Variants in MAP2K2 observed in about 807,000 individuals in gnomAD.
MAP2K2 encodes mitogen-activated protein kinase kinase 2, also known as dual specificity mitogen-activated protein kinase kinase 2.
A neutral mutation model predicts 43.7 loss-of-function variants in MAP2K2; 24 were observed. The observed-to-expected ratio is 0.55, with a 90% CI of 0.40 to 0.77. MAP2K2 has a LOEUF of 0.77. MAP2K2 is among the 30% of genes least tolerant of loss of function. The pLI, the probability that MAP2K2 is intolerant of heterozygous loss-of-function variation, is 0.00. For missense variants in MAP2K2, 470 were observed against 566.8 expected (o/e 0.83, Z 1.73); for synonymous variants, 244 against 239.7 (o/e 1.02, Z -0.17).
chr19:4,103,037 C>T, intron 3 of MAP2K2: 1 of 1,045,258 alleles, frequency 9.6e-7, no homozygotes, highest in Non-Finnish European at 1.2e-6. Context: ...TGGGCGTCTG[C>T]CCTGCGCCTG....
In MAP2K2 at chr19:4,122,032, T is replaced by G. The variant is rs531159100; in HGVS notation, c.92+1752A>C. 1.1e-4 allele frequency among the ~76,000 whole-genome samples: 10 copies of G among 92,084 alleles called. No individual in the cohort carries two copies. In the East Asian group the frequency reaches 3.4e-3, roughly 31 times the overall value. 60.4% of individuals were successfully genotyped at this position (92,084 alleles called of 152,430 possible). On this transcript the variant is annotated intron_variant, in intron 1 of 10. Coordinates refer to ENST00000262948, the MANE Select transcript of MAP2K2 (RefSeq NM_030662.4). Reference sequence around the variant, plus strand: ...CCCCACCTTGGCACCCTAGGTGCCCTCTTCATCCCATGCCAACCTCATTAC... The same window carrying G: ...CCCCACCTTGGCACCCTAGGTGCCCGCTTCATCCCATGCCAACCTCATTAC...
chr19:4,091,673 C>G (rs2040856599), intron 10 of MAP2K2, among the ~76,000 whole-genome samples: 1 of 147,826 alleles, frequency 6.8e-6, no homozygotes, highest in Non-Finnish European at 1.5e-5. Context: ...TTTTTTGAGA[C>G]AGTCTTGCTC....
intron 1 of MAP2K2, among the ~76,000 whole-genome samples, chr19:4,117,960 C>T (rs185782258): frequency 9.3e-4 from 142 of 151,884 alleles, no homozygotes; most frequent in African/African-American, 2.8e-3. Flanking sequence ...TTTTTTGAGA[C>T]GGAGTCTCCC....
At chr19:4,117,669 A>T in intron 1 of MAP2K2, 40 bp from the exon 2 acceptor site, 12 of 1,579,538 alleles carry the variant, frequency 7.6e-6, no homozygotes, top group Non-Finnish European at 1.0e-5. Flanking sequence ...CTACCTAGGG[A>T]GACTCCATCT....
At chr19:4,100,862 G>T in intron 6 of MAP2K2, 157 bp downstream of exon 6, 1 of 837,206 alleles carries the variant, frequency 1.2e-6, no homozygotes, top group Non-Finnish European at 1.9e-6. Context: ...CTCGTGGGAG[G>T]CGGGGAGAGC....
chr19:4,097,205 T>TAAAAAAAA (rs10681431), intron 8 of MAP2K2, 74 bp downstream of exon 8: 36 of 572,646 alleles, frequency 6.3e-5, no homozygotes, highest in Admixed American at 2.0e-4. Flanking sequence ...AGACTCTGCC[T>TAAAAAAAA]AAAAAAAAAA....
At chr19:4,119,892 A>G (rs753718034) in intron 1 of MAP2K2, among the ~76,000 whole-genome samples, 4 of 152,252 alleles carry the variant, frequency 2.6e-5, no homozygotes, top group Non-Finnish European at 5.9e-5. Context: ...CCAAAGTTCG[A>G]CCACTGTTCG....
intron 3 of MAP2K2, among the ~76,000 whole-genome samples, chr19:4,106,502 G>C (rs1046175413): frequency 6.6e-6 from 1 of 152,146 alleles, no homozygotes; most frequent in Admixed American, 6.5e-5. Context: ...TCCGCCTCCC[G>C]GGTGCATGTG....
intron 2 of MAP2K2, among the ~76,000 whole-genome samples, chr19:4,114,016 G>A (rs1258043051): frequency 1.3e-5 from 2 of 152,220 alleles, no homozygotes; most frequent in Non-Finnish European, 2.9e-5. Context: ...GAAGAGAGCC[G>A]GGGCAGTGGC....
Position 4,110,539 on chromosome 19 carries a change from G to A in MAP2K2, c.420C>T (p.Asp140=), listed in dbSNP as rs369925884. 3.2e-4 allele frequency: 512 copies of A among 1,613,866 alleles called. 2 individuals are homozygous for A. The East Asian group carries it at 5.5e-3, about 17-fold the overall frequency. The change falls in exon 3 of 11, where the codon GAC becomes GAT. Residue 140 remains aspartate, a synonymous_variant. Coordinates refer to ENST00000262948, the MANE Select transcript of MAP2K2 (RefSeq NM_030662.4). ...IVGFYGAFYS[D]GEISICMEHM... ...GTTCCATGCAAATGCTGATCTCCCCGTCACTGTAGAAGGCCCCGTAGAAGC... is the reference window on the plus strand; with the variant it reads ...GTTCCATGCAAATGCTGATCTCCCCATCACTGTAGAAGGCCCCGTAGAAGC...
intron 10 of MAP2K2, among the ~76,000 whole-genome samples, chr19:4,094,239 C>T (rs1415654625): frequency 6.6e-6 from 1 of 152,186 alleles, no homozygotes; most frequent in Non-Finnish European, 1.5e-5. Flanking sequence ...CACGCACACA[C>T]CCTCTGCTCC....
chr19:4,122,812 G>C (rs73918039), intron 1 of MAP2K2, among the ~76,000 whole-genome samples: 5,663 of 151,364 alleles, frequency 0.037, 361 homozygotes, highest in African/African-American at 0.13. Flanking sequence ...CTGCTACTCA[G>C]TGACTCCATG....
intron 2 of MAP2K2, among the ~76,000 whole-genome samples, chr19:4,113,426 C>T (rs1401076185): frequency 6.6e-6 from 1 of 152,090 alleles, no homozygotes; most frequent in Admixed American, 6.6e-5. Context: ...GACAGATGGA[C>T]AGGAGGGGAG....
At chr19:4,114,859 G>A (rs1332392305) in intron 2 of MAP2K2, among the ~76,000 whole-genome samples, 1 of 152,196 alleles carries the variant, frequency 6.6e-6, no homozygotes, top group Non-Finnish European at 1.5e-5. Flanking sequence ...GAACCTGTGA[G>A]GTGGAGGTTG....
At chr19:4,110,282 G>T (rs937485995) in intron 3 of MAP2K2, among the ~76,000 whole-genome samples, 3 of 152,110 alleles carry the variant, frequency 2.0e-5, no homozygotes. Context: ...ATTCTAGCCT[G>T]AGTGACAGAG....
intron 1 of MAP2K2, among the ~76,000 whole-genome samples, chr19:4,123,513 AC>A (rs1376753384): frequency 8.1e-6 from 1 of 123,932 alleles, no homozygotes; most frequent in Non-Finnish European, 1.7e-5. Context: ...CTGCTCAAAG[AC>A]CCCCCTGCCC....
intron 8 of MAP2K2, among the ~76,000 whole-genome samples, chr19:4,096,138 C>T (rs1398932896): frequency 3.3e-5 from 5 of 152,200 alleles, no homozygotes; most frequent in South Asian, 2.1e-4. Context: ...GTCCCCGGAG[C>T]GGGAGTGGCC....
At chr19:4,109,141 C>T (rs944593601) in intron 3 of MAP2K2, among the ~76,000 whole-genome samples, 16 of 152,172 alleles carry the variant, frequency 1.1e-4, no homozygotes, top group Non-Finnish European at 7.4e-5. Context: ...GTTTTGCAAA[C>T]GACGCTGTGC....
intron 3 of MAP2K2, among the ~76,000 whole-genome samples, chr19:4,109,641 C>T (rs905558890): frequency 3.3e-5 from 5 of 152,112 alleles, no homozygotes; most frequent in Non-Finnish European, 7.3e-5. Flanking sequence ...ACCACACTCA[C>T]CTAATATTTT....
Sources: gnomAD v4.1 joint callset for allele counts (sites outside exome capture counted in the v4.1 genomes callset) on GRCh38, gnomAD v4.1.1 for gene constraint, MANE v1.5 for transcripts, NCBI Gene and HGNC (gene_info 2026-07-23, HGNC 2026-07-21) for gene names.